Variants in SNAP25 observed in about 807,000 individuals in gnomAD.
SNAP25 encodes synaptosome associated protein 25, also known as synaptosomal-associated protein 25.
A neutral mutation model predicts 28.7 loss-of-function variants in SNAP25; 3 were observed. That is an observed-to-expected ratio of 0.10 (90% CI 0.05 to 0.27). SNAP25 has a LOEUF of 0.27. Among genes scored for constraint, SNAP25 ranks in the 10% least tolerant of loss-of-function variants. The pLI is 1.00. For synonymous variants in SNAP25, 61 were observed against 88.1 expected (o/e 0.69, Z 1.72); for missense variants, 117 against 278.7 (o/e 0.42, Z 4.13).
At chr20:10,228,877 A>G (rs527338248) in intron 1 of SNAP25, among the ~76,000 whole-genome samples, 45 of 152,296 alleles carry the variant, frequency 3.0e-4, no homozygotes, top group African/African-American at 9.4e-4. Context: ...GTTTGCTTAA[A>G]AACAAGTCTT....
At chr20:10,283,700 A>G (rs1600752444) in intron 3 of SNAP25, among the ~76,000 whole-genome samples, 1 of 152,194 alleles carries the variant, frequency 6.6e-6, no homozygotes, top group African/African-American at 2.4e-5. Flanking sequence ...AAAGTACATC[A>G]GTGGAAAATA....
At chr20:10,249,121 T>C (rs563766819) in intron 1 of SNAP25, among the ~76,000 whole-genome samples, 1 of 152,370 alleles carries the variant, frequency 6.6e-6, no homozygotes, top group African/African-American at 2.4e-5. Flanking sequence ...ATTTGATAGC[T>C]CGTGCCTTTC....
intron 1 of SNAP25, among the ~76,000 whole-genome samples, chr20:10,222,910 G>C (rs1426929962): frequency 6.6e-6 from 1 of 152,170 alleles, no homozygotes; most frequent in African/African-American, 2.4e-5. Context: ...CACTTGCCAG[G>C]CAGACTGAAA....
intron 2 of SNAP25, among the ~76,000 whole-genome samples, chr20:10,276,164 G>A (rs2063687960): frequency 6.6e-6 from 1 of 152,106 alleles, no homozygotes. Context: ...TTAAAATCAG[G>A]CAGAGCTGGG....
At chr20:10,296,889 C>T in intron 5 of SNAP25, 36 bp from the exon 6 acceptor site, 1 of 1,613,046 alleles carries the variant, frequency 6.2e-7, no homozygotes, top group Non-Finnish European at 8.5e-7. Context: ...GCTCCTCCAC[C>T]CCTGTGCCTT....
At chr20:10,237,648 GT>G (rs1389643950) in intron 1 of SNAP25, among the ~76,000 whole-genome samples, 1 of 152,148 alleles carries the variant, frequency 6.6e-6, no homozygotes, top group Non-Finnish European at 1.5e-5. Context: ...CTGAGATAAA[GT>G]TTTTTCATAC....
Position 10,306,164 on chromosome 20 carries a change from C to T in SNAP25, c.588C>T (p.Asn196=), listed in dbSNP as rs1356129075. The change falls in exon 8 of 8, where the codon AAC becomes AAT. Residue 196 remains asparagine, a synonymous_variant. Transcript: ENST00000254976. ...DSNKTRIDEA[N]QRATKMLGSG Reference sequence around the variant, plus strand: ...ACAAAACCAGAATTGATGAGGCCAACCAACGTGCAACAAAGATGCTGGGAA... The same window carrying T: ...ACAAAACCAGAATTGATGAGGCCAATCAACGTGCAACAAAGATGCTGGGAA... The T allele has an allele frequency of 6.2e-7, 1 of 1,613,652 alleles. No individual in the cohort carries two copies. Among genetic ancestry groups the T allele is most frequent in the Non-Finnish European group, 8.5e-7 (1 of 1,179,836 alleles).
intron 1 of SNAP25, among the ~76,000 whole-genome samples, chr20:10,235,804 C>G (rs6039780): frequency 0.023 from 3,551 of 152,268 alleles, 103 homozygotes; most frequent in African/African-American, 0.063. Flanking sequence ...CCACATGTCT[C>G]TCATCCAACA....
At chr20:10,244,484 A>G (rs1420550567) in intron 1 of SNAP25, among the ~76,000 whole-genome samples, 1 of 152,204 alleles carries the variant, frequency 6.6e-6, no homozygotes, top group African/African-American at 2.4e-5. Flanking sequence ...CCATTAGGAA[A>G]CTGAGGCACA....
At chr20:10,245,899 T>C (rs546069966) in intron 1 of SNAP25, among the ~76,000 whole-genome samples, 15 of 152,358 alleles carry the variant, frequency 9.8e-5, no homozygotes, top group African/African-American at 3.4e-4. Flanking sequence ...ATTATCTTTC[T>C]ACCTCCAAAA....
rs363006 is a variant in SNAP25 at position 10,299,435 on chromosome 20, G to A, written c.552+23G>A. On this transcript the variant is annotated intron_variant, in intron 7 of 7. Transcript: ENST00000254976. Reference sequence around the variant, plus strand: ...AAGGTGAGCACGTGGCAGTCAGCAAGTCCCTACTGCGAGTCACTTCTGAAA... The same window carrying A: ...AAGGTGAGCACGTGGCAGTCAGCAAATCCCTACTGCGAGTCACTTCTGAAA... 0.16 allele frequency: 259,300 copies of A among 1,605,858 alleles called. 22,349 individuals carry two copies. The highest frequency in any genetic ancestry group is 0.3 in the Admixed American group (17,871 of 59,528).
chr20:10,247,497 T>C lies in SNAP25; in HGVS notation c.-63-27932T>C, dbSNP rs1334157625. ...GAGGAAAAGGCTAAGAATAGAATCA[T>C]TGGTTGTTCCTGAGATGCCATGTGA... On this transcript the variant is annotated intron_variant, in intron 1 of 7. Coordinates refer to ENST00000254976, the MANE Select transcript of SNAP25 (RefSeq NM_130811.4). 8.5e-5 allele frequency among the ~76,000 whole-genome samples: 13 copies of C among 152,334 alleles called. No individual in the cohort carries two copies. In the East Asian group the frequency reaches 2.5e-3, roughly 29 times the overall value.
chr20:10,263,992 A>G (rs549016898), intron 1 of SNAP25, among the ~76,000 whole-genome samples: 79 of 152,262 alleles, frequency 5.2e-4, no homozygotes, highest in African/African-American at 1.8e-3. Flanking sequence ...GCATAATACA[A>G]ACCACAGGGC....
chr20:10,228,153 C>A (rs776241555), intron 1 of SNAP25, among the ~76,000 whole-genome samples: 2 of 152,116 alleles, frequency 1.3e-5, no homozygotes, highest in Non-Finnish European at 2.9e-5. Context: ...CATGAAAACA[C>A]GGGTTACTCT....
intron 1 of SNAP25, among the ~76,000 whole-genome samples, chr20:10,249,100 A>G (rs968007213): frequency 5.9e-5 from 9 of 152,226 alleles, no homozygotes; most frequent in Non-Finnish European, 1.3e-4. Context: ...ATAACAGCCA[A>G]CGTTTACTTC....
At chr20:10,240,229 C>T (rs192356292) in intron 1 of SNAP25, among the ~76,000 whole-genome samples, 93 of 152,220 alleles carry the variant, frequency 6.1e-4, no homozygotes, top group African/African-American at 2.0e-3. Context: ...CCTCTTGGGG[C>T]AACTCACAAC....
chr20:10,259,092 C>CTGT (rs1358318671), intron 1 of SNAP25, among the ~76,000 whole-genome samples: 1 of 152,092 alleles, frequency 6.6e-6, no homozygotes, highest in Non-Finnish European at 1.5e-5. Flanking sequence ...CATAGCAGAA[C>CTGT]TGTTATCTAA....
At position 10,299,149 on chromosome 20, in the gene SNAP25, G is replaced by A. The variant is rs363004; in HGVS notation, c.408-119G>A. 0.084 allele frequency: 96,242 copies of A among 1,152,360 alleles called. 5,393 individuals are homozygous for A. Among genetic ancestry groups the A allele is most frequent in the East Asian group, 0.22 (8,924 of 40,628 alleles). The allele number at this position is 1,152,360 out of a possible 1,614,324, so 71.4% of individuals were successfully genotyped here. A position where few individuals can be genotyped will look rare whatever the true frequency, so the allele number is the denominator to read the frequency against. On this transcript the variant is annotated intron_variant, in intron 6 of 7. Transcript: ENST00000254976. ...AAAATGTGTTTTTGTACTGGATGGA[G>A]ATTAAAGATAGATAAAGTTGATGCC...
At chr20:10,240,145 T>G (rs1480692154) in intron 1 of SNAP25, among the ~76,000 whole-genome samples, 6 of 152,096 alleles carry the variant, frequency 3.9e-5, no homozygotes, top group Admixed American at 3.9e-4. Flanking sequence ...GTTCACTTCC[T>G]TGCATCACCC....
Sources: allele counts gnomAD v4.1 joint callset (sites outside exome capture counted in the v4.1 genomes callset), GRCh38; gene constraint gnomAD v4.1.1; transcripts MANE v1.5; gene names NCBI Gene and HGNC (gene_info 2026-07-23, HGNC 2026-07-21).